SLC9A2: variants seen among roughly 807,000 people sequenced by gnomAD.
SLC9A2 encodes sodium/hydrogen exchanger 2.
A neutral mutation model predicts 71.7 loss-of-function variants in SLC9A2; 42 were observed. That is an observed-to-expected ratio of 0.59 (90% CI 0.46 to 0.76). The LOEUF is 0.76. Among genes scored for constraint, SLC9A2 ranks in the 30% least tolerant of loss-of-function variants. SLC9A2 has a pLI of 0.00. For synonymous variants in SLC9A2, 396 were observed against 392.5 expected (o/e 1.01, Z -0.10); for missense variants, 829 against 1,017.4 (o/e 0.81, Z 2.52).
At chr2:102,621,018 G>A (rs1207506095) in intron 1 of SLC9A2, among the ~76,000 whole-genome samples, 2 of 152,078 alleles carry the variant, frequency 1.3e-5, no homozygotes, top group African/African-American at 4.8e-5. Flanking sequence ...TTAGCCGGGC[G>A]TGGTGGTGGG....
At chr2:102,687,191 G>A (rs1011781) in intron 5 of SLC9A2, among the ~76,000 whole-genome samples, 3,407 of 152,108 alleles carry the variant, frequency 0.022, 135 homozygotes, top group African/African-American at 0.076. Context: ...TGCACAGATC[G>A]GAGACTGCGT....
At position 102,704,668 on chromosome 2, in the gene SLC9A2, A is replaced by G. The variant is rs1372986151; in HGVS notation, c.1970A>G (p.Glu657Gly). 6.2e-7 allele frequency: 1 copy of G among 1,611,204 alleles called. No homozygotes were observed. Among genetic ancestry groups the G allele is most frequent in the East Asian group, 2.2e-5 (1 of 44,702 alleles). ...SIRKDSSLNR[E>G]HRASTSTSRY... ...AGGAAGGACAGCAGCTTGAATCGAG[A>G]ACACAGGGTAACTGAGTGTGCGCCT... Residue 657 changes from glutamate to glycine, a missense_variant, in exon 10 of 12, where the codon GAA (glutamate) becomes GGA (glycine). This residue lies in a region of SLC9A2 where 223 missense variants were observed against 197.5 expected (regional missense o/e 1.13). Coordinates refer to ENST00000233969, the MANE Select transcript of SLC9A2 (RefSeq NM_003048.6).
intron 1 of SLC9A2, among the ~76,000 whole-genome samples, chr2:102,651,909 G>A (rs1200908422): frequency 1.3e-5 from 2 of 151,380 alleles, no homozygotes; most frequent in Admixed American, 6.6e-5. Flanking sequence ...CTAATATTAT[G>A]TGCTATCTGC....
intron 1 of SLC9A2, among the ~76,000 whole-genome samples, chr2:102,649,576 A>G (rs907078056): frequency 2.6e-5 from 4 of 152,186 alleles, no homozygotes; most frequent in African/African-American, 9.7e-5. Flanking sequence ...TCTCCATCTG[A>G]CAAAGGTCTA....
chr2:102,641,990 A>ATAGC (rs1356370056), intron 1 of SLC9A2, among the ~76,000 whole-genome samples: 17 of 151,906 alleles, frequency 1.1e-4, no homozygotes. Flanking sequence ...TGGCACATGT[A>ATAGC]TAGCTATGTA....
chr2:102,702,088 A>G (rs959115975), intron 8 of SLC9A2, among the ~76,000 whole-genome samples: 3 of 152,232 alleles, frequency 2.0e-5, no homozygotes, highest in Admixed American at 2.0e-4. Flanking sequence ...GGAGAAAACT[A>G]TTCTATTTTA....
At chr2:102,671,393 G>A (rs992892455) in intron 3 of SLC9A2, among the ~76,000 whole-genome samples, 2 of 152,072 alleles carry the variant, frequency 1.3e-5, no homozygotes, top group African/African-American at 2.4e-5. Flanking sequence ...AAAATGATGC[G>A]AGAAATTAAG....
intron 1 of SLC9A2, among the ~76,000 whole-genome samples, chr2:102,652,203 C>T (rs1413861105): frequency 2.6e-5 from 4 of 152,118 alleles, no homozygotes; most frequent in Admixed American, 2.0e-4. Flanking sequence ...CTGCTTTTAC[C>T]CAAATCCAAT....
intron 1 of SLC9A2, among the ~76,000 whole-genome samples, chr2:102,644,928 C>A (rs1187163581): frequency 6.6e-6 from 1 of 152,222 alleles, no homozygotes; most frequent in East Asian, 1.9e-4. Flanking sequence ...GCAGATCTCC[C>A]AGCACAGTGC....
intron 1 of SLC9A2, among the ~76,000 whole-genome samples, chr2:102,651,182 G>A (rs999231011): frequency 6.6e-6 from 1 of 152,078 alleles, no homozygotes; most frequent in Non-Finnish European, 1.5e-5. Context: ...GCCACTCTCA[G>A]CCCTCTCCTG....
chr2:102,672,778 G>A (rs1395123223), intron 3 of SLC9A2, among the ~76,000 whole-genome samples: 1 of 151,878 alleles, frequency 6.6e-6, no homozygotes, highest in Non-Finnish European at 1.5e-5. Flanking sequence ...AGATTCCCTG[G>A]GTTGAGATAA....
rs1198957583 is a variant in SLC9A2 at position 102,632,051 on chromosome 2, C to CAT, written c.289+11922_289+11923dup. Among the ~76,000 whole-genome samples the CAT allele has an allele frequency of 6.6e-4, 72 of 109,572 alleles. 2 individuals are homozygous for CAT. The highest frequency in any genetic ancestry group is 3.0e-3 in the African/African-American group (63 of 20,890). 71.9% of individuals were successfully genotyped at this position (109,572 alleles called of 152,430 possible). A position where few individuals can be genotyped will look rare whatever the true frequency, so the allele number is the denominator to read the frequency against. On this transcript the variant is annotated intron_variant, in intron 1 of 11. Coordinates refer to ENST00000233969, the MANE Select transcript of SLC9A2 (RefSeq NM_003048.6). ...ATATATATATATACATACACACACA[C>CAT]ATATATATACACACACATATATATA...
In SLC9A2 at chr2:102,709,727, A is replaced by C. The variant is rs989721156; in HGVS notation, c.*1238A>C. 3 of 152,758 alleles carry C rather than the reference A, an allele frequency of 2.0e-5. No homozygotes were observed. The highest frequency in any genetic ancestry group is 1.3e-4 in the Admixed American group (2 of 15,282). The allele number at this position is 152,758 out of a possible 1,614,324, so 9.5% of individuals were successfully genotyped here. On this transcript the variant is annotated 3_prime_UTR_variant, in exon 12 of 12. Transcript: ENST00000233969. ...ACTTTTTAAAAGTACAGCAGAAAGA[A>C]AAGAAGTGGAACATAAGCATTCAAG...
chr2:102,660,112 G>A (rs766656429), intron 2 of SLC9A2, among the ~76,000 whole-genome samples: 1 of 152,146 alleles, frequency 6.6e-6, no homozygotes, highest in South Asian at 2.1e-4. Flanking sequence ...TTTAGAGTAT[G>A]CAAAGGTAGC....
chr2:102,667,366 A>G (rs1000981809), intron 3 of SLC9A2, among the ~76,000 whole-genome samples: 1 of 152,130 alleles, frequency 6.6e-6, no homozygotes, highest in African/African-American at 2.4e-5. Context: ...AGAACCTTGA[A>G]TTGCATTGCA....
At chr2:102,641,746 G>A (rs931011087) in intron 1 of SLC9A2, among the ~76,000 whole-genome samples, 1 of 151,954 alleles carries the variant, frequency 6.6e-6, no homozygotes, top group African/African-American at 2.4e-5. Context: ...TGTGTCCTTA[G>A]TGCCTGACAC....
intron 3 of SLC9A2, among the ~76,000 whole-genome samples, chr2:102,670,628 C>T (rs1420745693): frequency 6.7e-6 from 1 of 149,324 alleles, no homozygotes; most frequent in East Asian, 2.0e-4. Context: ...AAAAACAACC[C>T]CAGCACATCC....
chr2:102,625,156 A>G (rs1676222308), intron 1 of SLC9A2, among the ~76,000 whole-genome samples: 1 of 152,120 alleles, frequency 6.6e-6, no homozygotes, highest in South Asian at 2.1e-4. Flanking sequence ...CAAAGCCTCC[A>G]TCTTCTCCCA....
chr2:102,650,429 C>T (rs564764378), intron 1 of SLC9A2, among the ~76,000 whole-genome samples: 4 of 152,122 alleles, frequency 2.6e-5, no homozygotes, highest in African/African-American at 4.8e-5. Flanking sequence ...CACAATGGTA[C>T]ATGTATACCT....
Sources: allele counts gnomAD v4.1 joint callset (sites outside exome capture counted in the v4.1 genomes callset), GRCh38; gene constraint gnomAD v4.1.1; regional missense constraint gnomAD v4.1.1; transcripts MANE v1.5; gene names NCBI Gene and HGNC (gene_info 2026-07-23, HGNC 2026-07-21).